DNAH14: variants seen among roughly 807,000 people sequenced by gnomAD.
DNAH14 encodes the protein axonemal beta dynein heavy chain 14.
Under a neutral mutation model 520.9 loss-of-function variants are expected in DNAH14, and 478 were observed. The ratio of observed to expected loss-of-function variants is 0.92; its 90% CI spans 0.85 to 0.99. The LOEUF (loss-of-function observed/expected upper bound fraction) is 0.99. DNAH14 is among the 50% of genes least tolerant of loss of function. The pLI is 0.00. For synonymous variants in DNAH14, 1,581 were observed against 1,757.2 expected, an observed-to-expected ratio of 0.90 and a Z score of 2.51; for missense variants, 4,831 against 5,234.5, an observed-to-expected ratio of 0.92 and a Z score of 2.38.
At chr1:224,960,664 C>A (rs933973822) in intron 4 of DNAH14, among the ~76,000 whole-genome samples, 1 of 152,030 alleles carries the variant, frequency 6.6e-6, no homozygotes, top group Non-Finnish European at 1.5e-5. Context: ...TTTAAATCCC[C>A]AAATAAATAG....
chr1:224,955,423 A>G (rs535223265), intron 3 of DNAH14, among the ~76,000 whole-genome samples: 14 of 152,248 alleles, frequency 9.2e-5, no homozygotes, highest in African/African-American at 3.4e-4. Flanking sequence ...CAGGTGGGTC[A>G]CGGTTCTCCT....
chr1:225,280,690 T>C (rs1262380366), intron 54 of DNAH14, among the ~76,000 whole-genome samples: 1 of 151,738 alleles, frequency 6.6e-6, no homozygotes, highest in Non-Finnish European at 1.5e-5. Context: ...GATTAACACC[T>C]AGACACATCA....
chr1:225,301,607 A>G (rs1011729133), intron 56 of DNAH14, among the ~76,000 whole-genome samples: 1 of 152,180 alleles, frequency 6.6e-6, no homozygotes, highest in African/African-American at 2.4e-5. Flanking sequence ...ATGACCGACC[A>G]GTGGCTTAGC....
At chr1:225,094,666 A>ACAAAC (rs1171860236) in intron 21 of DNAH14, among the ~76,000 whole-genome samples, 1 of 100,168 alleles carries the variant, frequency 1.0e-5, no homozygotes, top group African/African-American at 1.1e-4. Flanking sequence ...CAAAAAAAAA[A>ACAAAC]AAAAAAAAAA....
intron 73 of DNAH14, among the ~76,000 whole-genome samples, chr1:225,355,337 T>C (rs963990266): frequency 6.6e-6 from 1 of 152,156 alleles, no homozygotes; most frequent in Non-Finnish European, 1.5e-5. Context: ...TGCAGTGGTG[T>C]GATCACAGCT....
chr1:225,259,301 G>C (rs2092849761), intron 46 of DNAH14, 48 bp downstream of exon 46: 1 of 1,295,480 alleles, frequency 7.7e-7, no homozygotes, highest in African/African-American at 1.6e-5. Flanking sequence ...TTTAAAAAGT[G>C]TGCTTTAATA....
At chr1:224,956,537 C>T (rs1026400745) in intron 3 of DNAH14, among the ~76,000 whole-genome samples, 1 of 152,010 alleles carries the variant, frequency 6.6e-6, no homozygotes, top group Admixed American at 6.6e-5. Context: ...TGTACTAGGC[C>T]GTACCACCTA....
intron 17 of DNAH14, among the ~76,000 whole-genome samples, chr1:225,073,820 G>A (rs1177788282): frequency 1.3e-5 from 2 of 151,640 alleles, no homozygotes; most frequent in African/African-American, 4.9e-5. Flanking sequence ...CAAGAAGCTG[G>A]GACTACAGTG....
At chr1:224,979,374 C>T (rs2062098892) in intron 8 of DNAH14, among the ~76,000 whole-genome samples, 1 of 152,134 alleles carries the variant, frequency 6.6e-6, no homozygotes, top group Non-Finnish European at 1.5e-5. Flanking sequence ...CAGTGCTGCC[C>T]TGTCACAGCA....
chr1:225,177,622 C>T (rs948646911), intron 36 of DNAH14, among the ~76,000 whole-genome samples: 34 of 152,198 alleles, frequency 2.2e-4, no homozygotes, highest in Non-Finnish European at 2.4e-4. Flanking sequence ...TGTAGAGCTC[C>T]GGCCATGGCT....
intron 34 of DNAH14, among the ~76,000 whole-genome samples, chr1:225,157,698 A>G (rs16844389): frequency 0.02 from 3,090 of 152,210 alleles, 85 homozygotes; most frequent in African/African-American, 0.059. Context: ...CTTGAAAAAA[A>G]TATTAAAAGG....
intron 8 of DNAH14, among the ~76,000 whole-genome samples, chr1:224,998,743 G>C (rs962530495): frequency 2.0e-5 from 3 of 152,054 alleles, no homozygotes; most frequent in African/African-American, 7.2e-5. Context: ...TTCTATTGTT[G>C]GGTGGAGTAT....
At chr1:225,333,551 T>C (rs1161083117) in intron 66 of DNAH14, 45 bp downstream of exon 66, 10 of 1,488,836 alleles carry the variant, frequency 6.7e-6, no homozygotes, top group Non-Finnish European at 9.1e-6. Context: ...TATTATTGTT[T>C]ATTTGGATTT....
chr1:225,042,836 T>G lies in DNAH14; in HGVS notation c.1490T>G (p.Ile497Ser). The G allele has an allele frequency of 1.3e-6, 2 of 1,547,124 alleles. No individual in the cohort carries two copies. Among genetic ancestry groups the G allele is most frequent in the Non-Finnish European group, 1.7e-6 (2 of 1,144,572 alleles). ...EVKTDTDINEILNSVEVGKDL... is the reference protein window; with the variant it reads ...EVKTDTDINESLNSVEVGKDL... ...CCCTCACATTATCCGTTAAATTAGA[T>G]TTTGAATAGTGTTGAAGTGGGGAAG... Residue 497 changes from isoleucine (I) to serine (S), a missense_variant and splice_region_variant, in exon 13 of 86, where the codon ATT (isoleucine) becomes AGT (serine). Transcript: ENST00000682510.
At chr1:225,149,050 TGCCTAG>T (rs201090015) in intron 31 of DNAH14, among the ~76,000 whole-genome samples, 3,780 of 152,356 alleles carry the variant, frequency 0.025, 124 homozygotes, top group African/African-American at 0.077. Context: ...AAAATGGTAC[TGCCTAG>T]GTTGTCTTCC....
intron 10 of DNAH14, among the ~76,000 whole-genome samples, chr1:225,019,888 A>G (rs55962425): frequency 0.055 from 8,391 of 152,268 alleles, 474 homozygotes; most frequent in East Asian, 0.24. Context: ...AGTGCTGTAC[A>G]CCTACCTCAA....
intron 26 of DNAH14, 62 bp downstream of exon 26, chr1:225,119,356 A>G: frequency 8.7e-7 from 1 of 1,146,270 alleles, no homozygotes; most frequent in African/African-American, 1.6e-5. Context: ...ACATATATAT[A>G]TACACACACA....
At chr1:224,960,030 C>A in intron 3 of DNAH14, 123 bp from the exon 4 acceptor site, 1 of 924,492 alleles carries the variant, frequency 1.1e-6, no homozygotes, top group Non-Finnish European at 1.5e-6. Context: ...TCAGCCTGTG[C>A]TCTTAACTAC....
chr1:225,344,956 G>A (rs1303192675), intron 69 of DNAH14, among the ~76,000 whole-genome samples: 3 of 152,066 alleles, frequency 2.0e-5, no homozygotes, highest in African/African-American at 7.2e-5. Flanking sequence ...CTCATGATCC[G>A]CCTGCCTGGG....
Sources: allele counts gnomAD v4.1 joint callset (sites outside exome capture counted in the v4.1 genomes callset), GRCh38; gene constraint gnomAD v4.1.1; transcripts MANE v1.5; gene names NCBI Gene and HGNC (gene_info 2026-07-23, HGNC 2026-07-21).